Variants in CEP15 observed in about 807,000 individuals in gnomAD.
CEP15 encodes centrosomal protein 15 kDa.
the CEP15 span, among the ~76,000 whole-genome samples, chr3:62,328,661 G>T: frequency 6.6e-6 from 1 of 151,988 alleles, no homozygotes; most frequent in South Asian, 2.1e-4. Flanking sequence ...GCCTGCCTTG[G>T]ATACCTTTTT....
At chr3:62,329,774 G>C in the CEP15 span, among the ~76,000 whole-genome samples, 1 of 152,164 alleles carries the variant, frequency 6.6e-6, no homozygotes, top group African/African-American at 2.4e-5. Context: ...TGTCTACAAT[G>C]CTAAGTGGCG....
the CEP15 span, among the ~76,000 whole-genome samples, chr3:62,320,207 A>G: frequency 2.4e-4 from 36 of 152,336 alleles, no homozygotes; most frequent in Non-Finnish European, 5.9e-5. Flanking sequence ...ATTCTGATTA[A>G]GGTTAGAGTC....
the CEP15 span, chr3:62,319,941 C>T: frequency 6.6e-6 from 1 of 152,438 alleles, no homozygotes; most frequent in Non-Finnish European, 1.5e-5. Flanking sequence ...TCTAATTGTG[C>T]TTTTCCTCGC....
At chr3:62,326,136 G>C in the CEP15 span, among the ~76,000 whole-genome samples, 558 of 152,126 alleles carry the variant, frequency 3.7e-3, 4 homozygotes, top group African/African-American at 0.013. Flanking sequence ...TGCTGCAGCC[G>C]GTGAGAGAAT....
the CEP15 span, chr3:62,334,266 A>G: frequency 5.3e-5 from 8 of 151,948 alleles, no homozygotes; most frequent in African/African-American, 1.9e-4. The surrounding 1 kb of genome is among the most constrained non-coding windows in gnomAD (Gnocchi z 4.9). Context: ...AAATATGTAT[A>G]TATAACTTTC....
chr3:62,326,834 A>G, the CEP15 span, among the ~76,000 whole-genome samples: 3 of 152,136 alleles, frequency 2.0e-5, no homozygotes, highest in Non-Finnish European at 2.9e-5. Context: ...ACCTATAGCT[A>G]TTTCTGAATA....
the CEP15 span, chr3:62,322,153 G>C: frequency 2.4e-6 from 3 of 1,230,992 alleles, no homozygotes; most frequent in African/African-American, 4.6e-5. This position sits in a 1 kb window ranked among gnomAD's most constrained non-coding sequence, Gnocchi z 5.5. Flanking sequence ...TTGGTTCTCA[G>C]TAATAAGTAG....
At chr3:62,326,916 A>G in the CEP15 span, among the ~76,000 whole-genome samples, 3 of 152,222 alleles carry the variant, frequency 2.0e-5, no homozygotes, top group Admixed American at 6.5e-5. Flanking sequence ...TCACAATACT[A>G]TTATCAATAA....
At chr3:62,335,808 G>A in the CEP15 span, 1 of 151,960 alleles carries the variant, frequency 6.6e-6, no homozygotes, top group Non-Finnish European at 1.5e-5. Context: ...TTTGTGGACT[G>A]TTGCAAATGC....
chr3:62,323,967 CTCT>C, the CEP15 span: 3 of 152,192 alleles, frequency 2.0e-5, no homozygotes, highest in Non-Finnish European at 4.4e-5. Context: ...GCTGCCTCTT[CTCT>C]TTTTTTGCAT....
the CEP15 span, chr3:62,321,988 AC>A: frequency 6.2e-7 from 1 of 1,610,082 alleles, no homozygotes; most frequent in Non-Finnish European, 8.5e-7. This position sits in a 1 kb window ranked among gnomAD's most constrained non-coding sequence, Gnocchi z 4.1. Context: ...TGATCAACAC[AC>A]AGAAAAGGCA....
the CEP15 span, chr3:62,322,040 T>G: frequency 6.2e-7 from 1 of 1,605,892 alleles, no homozygotes; most frequent in Non-Finnish European, 8.5e-7. The surrounding 1 kb of genome is among the most constrained non-coding windows in gnomAD (Gnocchi z 5.5). Flanking sequence ...AAAAGGAACC[T>G]TAGTCTTTTA....
At chr3:62,324,159 G>T in the CEP15 span, 1 of 152,178 alleles carries the variant, frequency 6.6e-6, no homozygotes, top group Non-Finnish European at 1.5e-5. Flanking sequence ...GGAGGCCAAG[G>T]CTGGAGGATC....
At chr3:62,334,264 A>G in the CEP15 span, 10 of 151,906 alleles carry the variant, frequency 6.6e-5, no homozygotes, top group Non-Finnish European at 1.5e-4. The surrounding 1 kb of genome is among the most constrained non-coding windows in gnomAD (Gnocchi z 4.9). Context: ...AAAAATATGT[A>G]TATATAACTT....
At chr3:62,320,449 C>A in the CEP15 span, 1 of 1,605,778 alleles carries the variant, frequency 6.2e-7, no homozygotes. Context: ...TGTTTTTATT[C>A]TTTATGACAG....
the CEP15 span, chr3:62,333,432 A>T: frequency 6.3e-7 from 1 of 1,594,328 alleles, no homozygotes; most frequent in Non-Finnish European, 8.5e-7. The surrounding 1 kb of genome is among the most constrained non-coding windows in gnomAD (Gnocchi z 4.0). Context: ...AATAAAGCTG[A>T]ATGTTAAGGT....
chr3:62,325,129 G>A, the CEP15 span, among the ~76,000 whole-genome samples: 1 of 152,072 alleles, frequency 6.6e-6, no homozygotes, highest in Non-Finnish European at 1.5e-5. Context: ...TTGCCTGATT[G>A]GTGTGAAGAC....
the CEP15 span, chr3:62,331,348 A>G: frequency 6.8e-6 from 11 of 1,613,044 alleles, no homozygotes; most frequent in East Asian, 2.2e-5. Context: ...CAGAAAAGTC[A>G]CTACAGACCA....
chr3:62,320,737 A>T, the CEP15 span, among the ~76,000 whole-genome samples: 1 of 152,212 alleles, frequency 6.6e-6, no homozygotes, highest in African/African-American at 2.4e-5. Context: ...TGTAAGTAAT[A>T]TATAGATAAA....
Sources: gnomAD v4.1 joint callset for allele counts (sites outside exome capture counted in the v4.1 genomes callset) on GRCh38, gnomAD v4.1.1 for gene constraint, Gnocchi (gnomAD v3.1) non-coding constraint, MANE v1.5 for transcripts, NCBI Gene and HGNC (gene_info 2026-07-23, HGNC 2026-07-21) for gene names.